The following CNTN4 variants were observed in gnomAD, a reference collection of about 807,000 sequenced individuals.
CNTN4 encodes the protein contactin 4, also known as contactin-4.
In CNTN4, 77 loss-of-function variants were observed where a neutral mutation model predicts 122.5. That is an observed-to-expected ratio of 0.63 (90% CI 0.52 to 0.76). CNTN4 has a LOEUF of 0.76. CNTN4 is among the 30% of genes least tolerant of loss of function. The pLI, the probability that CNTN4 is intolerant of heterozygous loss-of-function variation, is 0.00. For missense variants in CNTN4, 1,256 were observed against 1,259.1 expected (o/e 1.00, Z 0.04); for synonymous variants, 512 against 447.0 (o/e 1.15, Z -1.83).
intron 4 of CNTN4, among the ~76,000 whole-genome samples, chr3:2,713,453 C>A (rs1183307934): frequency 6.6e-6 from 1 of 152,142 alleles, no homozygotes; most frequent in African/African-American, 2.4e-5. Flanking sequence ...GGGGCATGAT[C>A]TAAAGGAAAT....
chr3:2,931,757 A>G (rs990958949), intron 13 of CNTN4, among the ~76,000 whole-genome samples: 1 of 152,094 alleles, frequency 6.6e-6, no homozygotes, highest in Non-Finnish European at 1.5e-5. Context: ...GCCCCCTGAG[A>G]AGCTGTGATC....
At chr3:2,745,823 T>C (rs2089719551) in intron 6 of CNTN4, 126 bp downstream of exon 6, 4 of 820,208 alleles carry the variant, frequency 4.9e-6, no homozygotes, top group Non-Finnish European at 7.9e-6. Context: ...ATCTTTACTC[T>C]TTTTCACATT....
chr3:2,457,225 G>A (rs141970395), intron 3 of CNTN4, among the ~76,000 whole-genome samples: 199 of 152,116 alleles, frequency 1.3e-3, no homozygotes, highest in African/African-American at 4.6e-3. Flanking sequence ...TTAAAATTCA[G>A]AATCCAATGT....
At chr3:2,504,130 A>G (rs572575498) in intron 3 of CNTN4, among the ~76,000 whole-genome samples, 1 of 152,262 alleles carries the variant, frequency 6.6e-6, no homozygotes, top group Non-Finnish European at 1.5e-5. Flanking sequence ...CTTAATAGAG[A>G]GTGCATTCTG....
intron 7 of CNTN4, among the ~76,000 whole-genome samples, chr3:2,839,054 G>T (rs1310033001): frequency 6.6e-6 from 1 of 152,016 alleles, no homozygotes; most frequent in Non-Finnish European, 1.5e-5. Context: ...CTCTAGCTTG[G>T]TGACAGCCTG....
Position 2,900,743 on chromosome 3 carries a change from C to G in CNTN4, c.999C>G (p.Val333=). The part of the protein sequence containing the change: ...NDIHVAMEEN[V]FWECKANGRP... ...TTCACGTGGCCATGGAAGAAAATGT[C>G]TTTTGGGAATGTAAAGCAAATGGAA... The change falls in exon 11 of 25, where the codon GTC becomes GTG. Residue 333 remains valine, a synonymous_variant. Coordinates refer to ENST00000418658, the MANE Select transcript of CNTN4 (RefSeq NM_175607.3). 6.2e-7 allele frequency: 1 copy of G among 1,613,912 alleles called. No individual in the cohort carries two copies. The highest frequency in any genetic ancestry group is 1.1e-5 in the South Asian group (1 of 91,078).
At chr3:2,229,626 G>C (rs534856727) in intron 2 of CNTN4, among the ~76,000 whole-genome samples, 11 of 152,102 alleles carry the variant, frequency 7.2e-5, no homozygotes, top group African/African-American at 1.7e-4. Context: ...CAGAGCCTCT[G>C]TCTTAAAGTA....
chr3:2,393,426 A>G (rs1452592045), intron 3 of CNTN4, among the ~76,000 whole-genome samples: 1 of 152,116 alleles, frequency 6.6e-6, no homozygotes, highest in Non-Finnish European at 1.5e-5. Context: ...TCCACCTTTT[A>G]ATAGCATATG....
intron 6 of CNTN4, among the ~76,000 whole-genome samples, chr3:2,773,870 C>G (rs181159463): frequency 6.6e-4 from 98 of 148,074 alleles, no homozygotes; most frequent in African/African-American, 2.3e-3. Context: ...AGCAATTCAC[C>G]TGCCTCAGTC....
chr3:2,743,825 G>A (rs2089601427), intron 5 of CNTN4, among the ~76,000 whole-genome samples: 1 of 152,148 alleles, frequency 6.6e-6, no homozygotes, highest in East Asian at 1.9e-4. Flanking sequence ...TTTGTTTTGA[G>A]ATGAGGTCTC....
intron 6 of CNTN4, among the ~76,000 whole-genome samples, chr3:2,814,963 A>T (rs1273135682): frequency 6.6e-6 from 1 of 152,206 alleles, no homozygotes; most frequent in Non-Finnish European, 1.5e-5. Flanking sequence ...ACAGTGACAG[A>T]GCATTATCCA....
Position 2,901,763 on chromosome 3 carries a change from C to T in CNTN4, c.1077+942C>T, listed in dbSNP as rs552187950. ...TGGGAGATCAGTCTCAAATCCATCT[C>T]TCCAACCAACTAAAATTGGGAGTTT... is the stretch of plus-strand genomic sequence containing the variant. On this transcript the variant is annotated intron_variant, in intron 11 of 24. Transcript: ENST00000418658. Among the ~76,000 whole-genome samples, 3 of 152,290 alleles carry T rather than the reference C, an allele frequency of 2.0e-5. No individual in the cohort carries two copies. The South Asian group carries it at 6.2e-4, about 32-fold the overall frequency.
intron 6 of CNTN4, among the ~76,000 whole-genome samples, chr3:2,778,085 G>A (rs2091408419): frequency 1.4e-5 from 2 of 145,300 alleles, no homozygotes; most frequent in Non-Finnish European, 3.0e-5. Context: ...GTGGTGGCGG[G>A]CGCCTGTAGT....
intron 3 of CNTN4, among the ~76,000 whole-genome samples, chr3:2,478,089 GA>G (rs2075881251): frequency 6.6e-6 from 1 of 152,176 alleles, no homozygotes; most frequent in Admixed American, 6.5e-5. Context: ...TAAGGAGGGG[GA>G]AAGGGCAGTC....
intron 3 of CNTN4, among the ~76,000 whole-genome samples, chr3:2,377,580 C>T (rs914912378): frequency 2.0e-5 from 3 of 152,190 alleles, no homozygotes; most frequent in African/African-American, 7.2e-5. Context: ...TTAAAAAACA[C>T]AGCTGTGAGA....
intron 14 of CNTN4, among the ~76,000 whole-genome samples, chr3:3,019,299 T>C (rs1446882661): frequency 1.3e-5 from 2 of 152,096 alleles, no homozygotes; most frequent in African/African-American, 4.8e-5. Context: ...ATTTATTTAT[T>C]TATTTTAGTT....
intron 3 of CNTN4, among the ~76,000 whole-genome samples, chr3:2,526,642 T>C (rs2077407823): frequency 6.6e-6 from 1 of 152,134 alleles, no homozygotes; most frequent in Non-Finnish European, 1.5e-5. Flanking sequence ...ATCATGTACT[T>C]TTTTGAAATG....
At chr3:2,223,869 G>T (rs1448772583) in intron 2 of CNTN4, among the ~76,000 whole-genome samples, 1 of 152,070 alleles carries the variant, frequency 6.6e-6, no homozygotes, top group African/African-American at 2.4e-5. Context: ...CCACAAAACG[G>T]GGTCCCACAA....
chr3:2,247,851 C>T (rs1017663659), intron 2 of CNTN4, among the ~76,000 whole-genome samples: 15 of 151,898 alleles, frequency 9.9e-5, no homozygotes, highest in Admixed American at 7.2e-4. Context: ...AAAGAACTTT[C>T]GTATGTATTA....
Sources: allele counts gnomAD v4.1 joint callset (sites outside exome capture counted in the v4.1 genomes callset), GRCh38; gene constraint gnomAD v4.1.1; transcripts MANE v1.5; gene names NCBI Gene and HGNC (gene_info 2026-07-23, HGNC 2026-07-21).